PPP1R10: variants seen among roughly 807,000 people sequenced by gnomAD.
PPP1R10 encodes protein phosphatase 1 regulatory subunit 10.
Under a neutral mutation model 99.0 loss-of-function variants are expected in PPP1R10, and 15 were observed. That is an observed-to-expected ratio of 0.15 (90% confidence interval 0.10 to 0.23). The LOEUF is 0.23. Ranked by LOEUF, PPP1R10 falls within the 10% of genes least tolerant of loss-of-function variation. The pLI is 1.00. For missense variants in PPP1R10, 947 were observed against 1,259.4 expected, an observed-to-expected ratio of 0.75 and a Z score of 3.75; for synonymous variants, 430 against 449.5, an observed-to-expected ratio of 0.96 and a Z score of 0.55.
In PPP1R10 at chr6:30,601,429, G is replaced by A; in HGVS notation, c.*120C>T. On this transcript the variant is annotated 3_prime_UTR_variant, in exon 20 of 20. Transcript: ENST00000376511. The stretch of plus-strand genomic sequence containing the variant: ...GGAACCCAAGCAAGTGGGAACTGAG[G>A]GGGCCGGCTCCTCATCAGCTGGGGA... 2.6e-6 allele frequency: 2 copies of A among 783,638 alleles called. No homozygotes were observed. The highest frequency in any genetic ancestry group is 2.1e-6 in the Non-Finnish European group (1 of 481,260). The allele number at this position is 783,638 out of a possible 1,614,324, so 48.5% of individuals were successfully genotyped here.
chr6:30,611,106 T>C lies in PPP1R10; in HGVS notation c.-11-1151A>G, dbSNP rs547852814. Reference sequence around the variant, plus strand: ...GGCAGATTCCTTGAGCGCAGGAGTTTGAAACCAGCCTTGGCAACATGGCGA... The same window carrying C: ...GGCAGATTCCTTGAGCGCAGGAGTTCGAAACCAGCCTTGGCAACATGGCGA... On this transcript the variant is annotated intron_variant, in intron 2 of 19. Transcript: ENST00000376511. 3.9e-4 allele frequency among the ~76,000 whole-genome samples: 59 copies of C among 152,252 alleles called. No homozygotes were observed. The Middle Eastern group carries it at 0.014, about 35-fold the overall frequency.
At position 30,602,399 on chromosome 6, in the gene PPP1R10, CCCA is replaced by C; in HGVS notation, c.2247_2249del (p.Gly750del). On this transcript the variant is annotated inframe_deletion, in exon 19 of 20. Transcript: ENST00000376511. The surrounding 1 kb of genome is among the most constrained non-coding windows in gnomAD (Gnocchi z 6.7). Reference sequence around the variant, plus strand: ...CACCAGGGCCTTCGTGAGGACGATGCCCACCACCTCCAACCATGCCCCCACCAG... The same window carrying C: ...CACCAGGGCCTTCGTGAGGACGATGCCCACCTCCAACCATGCCCCCACCAG... 1 of 1,611,472 alleles carries C rather than the reference CCCA, an allele frequency of 6.2e-7. No homozygotes were observed. The highest frequency in any genetic ancestry group is 8.5e-7 in the Non-Finnish European group (1 of 1,179,392).
At chr6:30,610,561 AAGG>A (rs1488771603) in intron 2 of PPP1R10, among the ~76,000 whole-genome samples, 1 of 152,228 alleles carries the variant, frequency 6.6e-6, no homozygotes, top group African/African-American at 2.4e-5. Flanking sequence ...ATCCCTCCCT[AAGG>A]AGATCTGGGA....
intron 2 of PPP1R10, among the ~76,000 whole-genome samples, chr6:30,616,156 TTATA>T (rs1483421722): frequency 6.6e-6 from 1 of 152,208 alleles, no homozygotes; most frequent in Non-Finnish European, 1.5e-5. Context: ...CCATTCCTCC[TTATA>T]TAAACACATA....
Position 30,606,393 on chromosome 6 carries a change from A to G in PPP1R10, c.634+75T>C. On this transcript the variant is annotated intron_variant, in intron 8 of 19. Coordinates refer to ENST00000376511, the MANE Select transcript of PPP1R10 (RefSeq NM_002714.4). The surrounding 1 kb of genome is among the most constrained non-coding windows in gnomAD (Gnocchi z 6.3). ...CTTCCTTACGATTAACATACCACACATCAAATGATTCCCCCATAAGGCTCT... is the reference window on the plus strand; with the variant it reads ...CTTCCTTACGATTAACATACCACACGTCAAATGATTCCCCCATAAGGCTCT... The G allele has an allele frequency of 1.9e-6, 3 of 1,586,140 alleles. No individual in the cohort carries two copies. The highest frequency in any genetic ancestry group is 2.6e-6 in the Non-Finnish European group (3 of 1,161,888).
In PPP1R10 at chr6:30,616,744, G is replaced by T. The variant is rs914502151; in HGVS notation, c.-278C>A. The T allele has an allele frequency of 1.3e-5, 2 of 152,300 alleles. No homozygotes were observed. Among genetic ancestry groups the T allele is most frequent in the Non-Finnish European group, 2.9e-5 (2 of 68,032 alleles). The allele number at this position is 152,300 out of a possible 1,614,324, so 9.4% of individuals were successfully genotyped here. ...GGATGAGTGAATTTGGGTGGTTTGG[G>T]AAGGGAGGGTGGTTGATTATTTTTG... is the stretch of plus-strand genomic sequence containing the variant. On this transcript the variant is annotated 5_prime_UTR_variant, in exon 2 of 20. Transcript: ENST00000376511.
chr6:30,600,997 G>C lies in PPP1R10; in HGVS notation c.*552C>G, dbSNP rs1300906008. 6.5e-6 allele frequency: 1 copy of C among 153,218 alleles called. No homozygotes were observed. The highest frequency in any genetic ancestry group is 1.5e-5 in the Non-Finnish European group (1 of 68,454). 9.5% of individuals were successfully genotyped at this position (153,218 alleles called of 1,614,324 possible). A position where few individuals can be genotyped will look rare whatever the true frequency, so the allele number is the denominator to read the frequency against. On this transcript the variant is annotated 3_prime_UTR_variant, in exon 20 of 20. Transcript: ENST00000376511. ...GACTAAGAATGGTGAGCCCACGCTG[G>C]GGGAGGGGTGGGGATGATGTGTGTT...
At chr6:30,605,731 G>A in intron 10 of PPP1R10, 192 bp downstream of exon 10, 3 of 598,040 alleles carry the variant, frequency 5.0e-6, no homozygotes, top group Non-Finnish European at 8.8e-6. Flanking sequence ...GTGGTGGCGG[G>A]CACCAGTAGT....
rs1182933956 is a variant in PPP1R10, at chr6:30,600,710, T to C, written c.*839A>G. ...TTCCAGGTGGGAGCAGGGAGTGAGC[T>C]GACTCCCAAAGGCAGTGCATGTAGT... On this transcript the variant is annotated 3_prime_UTR_variant, in exon 20 of 20. Coordinates refer to ENST00000376511, the MANE Select transcript of PPP1R10 (RefSeq NM_002714.4). 1.3e-5 allele frequency: 2 copies of C among 152,544 alleles called. No homozygotes were observed. The highest frequency in any genetic ancestry group is 1.9e-4 in the East Asian group (1 of 5,194). 9.4% of individuals were successfully genotyped at this position (152,544 alleles called of 1,614,324 possible).
In PPP1R10 at chr6:30,603,827, G is replaced by T. The variant is rs1382492986; in HGVS notation, c.1525C>A (p.Pro509Thr). Reference protein sequence around the residue: ...LNKESPHEPDPEPYEPIPPKL... With the variant: ...LNKESPHEPDTEPYEPIPPKL... ...GGGGGTATGGGCTCGTAGGGCTCAG[G>T]ATCAGGCTCATGAGGACTATCAGGA... Residue 509 changes from proline to threonine, a missense_variant, in exon 15 of 20, where the codon CCT becomes ACT. Physicochemically the swap from Pro to Thr is conservative, Grantham distance 38 (BLOSUM62 -1). Transcript: ENST00000376511. 3 of 1,538,748 alleles carry T rather than the reference G, an allele frequency of 1.9e-6. No homozygotes were observed. The highest frequency in any genetic ancestry group is 2.6e-6 in the Non-Finnish European group (3 of 1,145,016).
intron 5 of PPP1R10, 56 bp downstream of exon 5, chr6:30,608,723 T>C (rs537986410): frequency 1.3e-6 from 2 of 1,562,418 alleles, no homozygotes; most frequent in East Asian, 2.3e-5. Context: ...TTTGAGTTTT[T>C]CATCCATTAG....
intron 2 of PPP1R10, among the ~76,000 whole-genome samples, chr6:30,611,735 C>A (rs539987351): frequency 6.6e-6 from 1 of 152,188 alleles, no homozygotes; most frequent in East Asian, 1.9e-4. Flanking sequence ...GAGATCATAA[C>A]CTGTGGGCTG....
chr6:30,611,497 G>A (rs932541733), intron 2 of PPP1R10, among the ~76,000 whole-genome samples: 6 of 152,180 alleles, frequency 3.9e-5, no homozygotes, highest in African/African-American at 1.4e-4. Flanking sequence ...TTACAAAGAT[G>A]AGTAGTTTTG....
intron 2 of PPP1R10, among the ~76,000 whole-genome samples, chr6:30,615,943 T>C (rs1460074081): frequency 1.3e-5 from 2 of 152,222 alleles, no homozygotes; most frequent in African/African-American, 4.8e-5. Context: ...ATTTAAAAAG[T>C]TATAGCGAGC....
rs1293585677 is a variant in PPP1R10, at chr6:30,609,401, C to T, written c.108-238G>A. Among the ~76,000 whole-genome samples, 7 of 152,170 alleles carry T rather than the reference C, an allele frequency of 4.6e-5. No individual in the cohort carries two copies. Among genetic ancestry groups the T allele is most frequent in the Non-Finnish European group, 1.0e-4 (7 of 68,026 alleles). On this transcript the variant is annotated intron_variant, in intron 3 of 19. Coordinates refer to ENST00000376511, the MANE Select transcript of PPP1R10 (RefSeq NM_002714.4). The surrounding 1 kb of genome is among the most constrained non-coding windows in gnomAD (Gnocchi z 4.5). ...GGAGAGCATCGCTGCCTCCGTAACA[C>T]ACAGGATGAATTCCATTCTGCCTCC...
chr6:30,606,810 G>A lies in PPP1R10; in HGVS notation c.429C>T (p.Val143=), dbSNP rs753653406. ...ASVLVSDWMA[V]IRSQSSTQPA... is the part of the protein sequence containing the mutation. ...GCTGGGTACTGCTCTGAGAGCGGAT[G>A]ACAGCCATCCAGTCGCTGACAAGGA... The change falls in exon 7 of 20, where the codon GTC becomes GTT. Residue 143 remains valine, a synonymous_variant. Transcript: ENST00000376511. This position sits in a 1 kb window ranked among gnomAD's most constrained non-coding sequence, Gnocchi z 6.3. The A allele has an allele frequency of 1.7e-5, 28 of 1,614,016 alleles. No individual in the cohort carries two copies. The highest frequency in any genetic ancestry group is 1.6e-4 in the Middle Eastern group (1 of 6,084).
rs757766952 is a variant in PPP1R10 at position 30,602,716 on chromosome 6, C to T, written c.1958-25G>A. On this transcript the variant is annotated intron_variant, in intron 18 of 19. Transcript: ENST00000376511. This position sits in a 1 kb window ranked among gnomAD's most constrained non-coding sequence, Gnocchi z 6.7. The stretch of plus-strand genomic sequence containing the variant: ...CCTGTAAGGGGACAAAAAAGAGAGA[C>T]AGTATCAGCTACCAGGAACTGCCAT... 17 of 1,601,312 alleles carry T rather than the reference C, an allele frequency of 1.1e-5. No individual in the cohort carries two copies. The highest frequency in any genetic ancestry group is 6.0e-6 in the Non-Finnish European group (7 of 1,174,962).
rs368722492 is a variant in PPP1R10 at position 30,605,365 on chromosome 6, T to TCACAGGG, written c.854-272_854-271insCCCTGTG. ...AGTGAGCCCTTGTGAACATGACAGA[T>TCACAGGG]CACCTTACCAGGTGCCCCTGACCAG... On this transcript the variant is annotated intron_variant, in intron 10 of 19. Coordinates refer to ENST00000376511, the MANE Select transcript of PPP1R10 (RefSeq NM_002714.4). 3.4e-3 allele frequency among the ~76,000 whole-genome samples: 516 copies of TCACAGGG among 152,268 alleles called. 5 individuals carry two copies. The highest frequency in any genetic ancestry group is 0.022 in the East Asian group (116 of 5,176).
chr6:30,613,195 G>C (rs892237617), intron 2 of PPP1R10, among the ~76,000 whole-genome samples: 17 of 152,104 alleles, frequency 1.1e-4, no homozygotes, highest in Non-Finnish European at 2.1e-4. Flanking sequence ...TTTTACTTGA[G>C]GGTTATTCAA....
Sources: gnomAD v4.1 joint callset for allele counts (sites outside exome capture counted in the v4.1 genomes callset) on GRCh38, gnomAD v4.1.1 for gene constraint, Gnocchi (gnomAD v3.1) non-coding constraint, MANE v1.5 for transcripts, NCBI Gene and HGNC (gene_info 2026-07-23, HGNC 2026-07-21) for gene names.